CTIF: variants seen among roughly 807,000 people sequenced by gnomAD.
The protein encoded by CTIF is cap binding complex dependent translation initiation factor, also known as CBP80/20-dependent translation initiation factor.
In CTIF, 21 loss-of-function variants were observed where a neutral mutation model predicts 66.0. The ratio of observed to expected loss-of-function variants is 0.32; its 90% CI spans 0.23 to 0.46. The LOEUF is 0.46. Ranked by LOEUF, CTIF falls within the 20% of genes least tolerant of loss-of-function variation. The pLI is 1.00. For synonymous variants in CTIF, 345 were observed against 326.4 expected, an observed-to-expected ratio of 1.06 and a Z score of -0.62; for missense variants, 739 against 812.7, an observed-to-expected ratio of 0.91 and a Z score of 1.10.
chr18:48,681,244 G>A (rs1046693688), intron 6 of CTIF, among the ~76,000 whole-genome samples: 3 of 152,236 alleles, frequency 2.0e-5, no homozygotes, highest in African/African-American at 4.8e-5. Flanking sequence ...GGGGCTGGGG[G>A]GTCAGGCCCA....
chr18:48,676,428 G>A (rs142651629), intron 6 of CTIF, among the ~76,000 whole-genome samples: 11 of 152,298 alleles, frequency 7.2e-5, no homozygotes, highest in African/African-American at 1.9e-4. Flanking sequence ...CTGACTTCTC[G>A]TTTTGCCTTT....
At chr18:48,630,119 CA>C (rs1568086923) in intron 2 of CTIF, among the ~76,000 whole-genome samples, 1 of 152,298 alleles carries the variant, frequency 6.6e-6, no homozygotes, top group East Asian at 1.9e-4. Context: ...TCTCCCGGGA[CA>C]TGAATCATCC....
chr18:48,827,662 G>T (rs2068609482), intron 10 of CTIF, among the ~76,000 whole-genome samples: 1 of 127,298 alleles, frequency 7.9e-6, no homozygotes, highest in African/African-American at 3.0e-5. Flanking sequence ...ATGTTCCTCT[G>T]AGAATGTAGC....
chr18:48,628,270 G>A (rs1300224664), intron 2 of CTIF, among the ~76,000 whole-genome samples: 3 of 152,168 alleles, frequency 2.0e-5, no homozygotes, highest in East Asian at 1.9e-4. Context: ...CCACCAGTTC[G>A]ATGCACATTG....
chr18:48,627,404 A>G (rs2090622530), intron 2 of CTIF, among the ~76,000 whole-genome samples: 1 of 152,118 alleles, frequency 6.6e-6, no homozygotes, highest in Non-Finnish European at 1.5e-5. Flanking sequence ...GGGAGGCAGG[A>G]AGTGAGTGGG....
At chr18:48,815,885 A>T (rs1388749103) in intron 9 of CTIF, among the ~76,000 whole-genome samples, 2 of 152,124 alleles carry the variant, frequency 1.3e-5, no homozygotes, top group Non-Finnish European at 2.9e-5. Flanking sequence ...ACAGTCACCC[A>T]GACCAAGAAT....
chr18:48,815,083 C>G (rs2068335040), intron 9 of CTIF, among the ~76,000 whole-genome samples: 3 of 152,180 alleles, frequency 2.0e-5, no homozygotes, highest in Non-Finnish European at 2.9e-5. Context: ...TTTAAAAACA[C>G]CATAAGAGCT....
intron 1 of CTIF, among the ~76,000 whole-genome samples, chr18:48,611,099 C>A (rs576388398): frequency 1.3e-5 from 2 of 152,320 alleles, no homozygotes; most frequent in South Asian, 4.1e-4. Flanking sequence ...CCCATAGATA[C>A]CTGAGTGGCT....
chr18:48,743,129 C>T (rs1364094829), intron 7 of CTIF, among the ~76,000 whole-genome samples: 3 of 152,180 alleles, frequency 2.0e-5, no homozygotes, highest in Non-Finnish European at 2.9e-5. Context: ...TGCACATATG[C>T]CTCAGGGTGC....
intron 9 of CTIF, among the ~76,000 whole-genome samples, chr18:48,767,995 A>C (rs1443747927): frequency 6.6e-6 from 1 of 151,958 alleles, no homozygotes; most frequent in African/African-American, 2.4e-5. Context: ...CCCATACCTC[A>C]TCCTGGATGT....
intron 6 of CTIF, among the ~76,000 whole-genome samples, chr18:48,673,315 TG>T (rs1372655622): frequency 6.6e-6 from 1 of 152,190 alleles, no homozygotes; most frequent in Non-Finnish European, 1.5e-5. Context: ...GCAGGATTTG[TG>T]TCTGTCTTGA....
intron 1 of CTIF, among the ~76,000 whole-genome samples, chr18:48,557,642 A>G (rs1038843813): frequency 2.6e-5 from 4 of 152,240 alleles, no homozygotes; most frequent in African/African-American, 9.6e-5. Context: ...TAGTCCGTAC[A>G]GGCTGCCATA....
At chr18:48,823,402 C>T (rs946209333) in intron 10 of CTIF, among the ~76,000 whole-genome samples, 13 of 152,092 alleles carry the variant, frequency 8.5e-5, no homozygotes, top group South Asian at 2.1e-4. Context: ...TTCCCAAGAC[C>T]GTTTATTGAA....
chr18:48,679,042 C>G (rs299735), intron 6 of CTIF, among the ~76,000 whole-genome samples: 23 of 152,314 alleles, frequency 1.5e-4, no homozygotes, highest in Admixed American at 1.2e-3. Flanking sequence ...AATATTGACT[C>G]TCTGGCTTTT....
At chr18:48,598,155 G>A (rs2090021415) in intron 1 of CTIF, among the ~76,000 whole-genome samples, 2 of 152,198 alleles carry the variant, frequency 1.3e-5, no homozygotes, top group Admixed American at 1.3e-4. Context: ...GAGGGTAATG[G>A]GGAGTTGGCG....
intron 1 of CTIF, among the ~76,000 whole-genome samples, chr18:48,570,498 G>A (rs763033940): frequency 2.0e-5 from 3 of 152,154 alleles, no homozygotes; most frequent in African/African-American, 4.8e-5. Context: ...CTGGCGTGAC[G>A]CACAGGCTAA....
chr18:48,756,136 A>G (rs917211995), intron 7 of CTIF: 2 of 152,212 alleles, frequency 1.3e-5, no homozygotes, highest in African/African-American at 2.4e-5. Flanking sequence ...GACAGTAGCT[A>G]CTTTCCTCCA....
chr18:48,750,964 T>C (rs1240467341), intron 7 of CTIF, among the ~76,000 whole-genome samples: 2 of 152,238 alleles, frequency 1.3e-5, no homozygotes, highest in African/African-American at 2.4e-5. Flanking sequence ...CAGGCTCTGC[T>C]TGGTGCAAGT....
intron 1 of CTIF, among the ~76,000 whole-genome samples, chr18:48,569,460 G>GA (rs1184235362): frequency 0.01 from 1,421 of 141,316 alleles, 15 homozygotes; most frequent in African/African-American, 0.034. Flanking sequence ...ATTCATAAAT[G>GA]AAAAAAAAAC....
Sources: gnomAD v4.1 joint callset for allele counts (sites outside exome capture counted in the v4.1 genomes callset) on GRCh38, gnomAD v4.1.1 for gene constraint, MANE v1.5 for transcripts, NCBI Gene and HGNC (gene_info 2026-07-23, HGNC 2026-07-21) for gene names.